The following ITFG1 variants were observed in gnomAD, a reference collection of about 807,000 sequenced individuals.
The protein encoded by ITFG1 is integrin alpha FG-GAP repeat containing 1.
A neutral mutation model predicts 81.8 loss-of-function variants in ITFG1; 34 were observed. The ratio of observed to expected loss-of-function variants is 0.42; its 90% CI spans 0.32 to 0.55. The LOEUF (loss-of-function observed/expected upper bound fraction) is 0.55. ITFG1 is among the 20% of genes least tolerant of loss of function. The pLI, the probability that ITFG1 is intolerant of heterozygous loss-of-function variation, is 0.17. For synonymous variants in ITFG1, 285 were observed against 270.6 expected (o/e 1.05, Z -0.52); for missense variants, 672 against 755.4 (o/e 0.89, Z 1.29).
At chr16:47,443,897 T>C (rs377300890) in intron 5 of ITFG1, among the ~76,000 whole-genome samples, 2 of 151,834 alleles carry the variant, frequency 1.3e-5, no homozygotes, top group African/African-American at 4.8e-5. Context: ...TAAAGTATAA[T>C]AATAATAAAA....
Position 47,181,551 on chromosome 16 carries a change from T to TG in ITFG1, c.1454-18888dup, listed in dbSNP as rs369861987. Among the ~76,000 whole-genome samples, 610 of 90,488 alleles carry TG rather than the reference T, an allele frequency of 6.7e-3. 14 individuals are homozygous for TG. Among genetic ancestry groups the TG allele is most frequent in the East Asian group, 0.039 (107 of 2,776 alleles). The allele number at this position is 90,488 out of a possible 152,430, so 59.4% of individuals were successfully genotyped here. On this transcript the variant is annotated intron_variant, in intron 14 of 17. Transcript: ENST00000320640. ...CCAGCCTCCCCGTCTGGCAGGGAGG[T>TG]GGGGGGGGGTCAGCCCCCCCGCCCG...
At chr16:47,318,111 G>T (rs1213850823) in intron 8 of ITFG1, among the ~76,000 whole-genome samples, 1 of 150,880 alleles carries the variant, frequency 6.6e-6, no homozygotes, top group Non-Finnish European at 1.5e-5. Context: ...GCAATCTTAA[G>T]AAACCAAAAA....
intron 6 of ITFG1, among the ~76,000 whole-genome samples, chr16:47,411,514 C>T (rs894759189): frequency 3.3e-5 from 5 of 152,142 alleles, no homozygotes; most frequent in South Asian, 2.1e-4. Flanking sequence ...AGGGAAATAA[C>T]GCCCTGCCCA....
chr16:47,173,313 A>C (rs1423763285), intron 14 of ITFG1, among the ~76,000 whole-genome samples: 1 of 152,086 alleles, frequency 6.6e-6, no homozygotes, highest in Non-Finnish European at 1.5e-5. Context: ...GTCTTCCCCC[A>C]CTAGAATGCA....
chr16:47,156,755 A>G (rs1354519358), intron 17 of ITFG1, among the ~76,000 whole-genome samples: 4 of 152,206 alleles, frequency 2.6e-5, no homozygotes, highest in South Asian at 2.1e-4. Context: ...AACATGATCA[A>G]TCATGAGAAG....
chr16:47,173,879 A>G (rs1313914772), intron 14 of ITFG1, among the ~76,000 whole-genome samples: 1 of 152,150 alleles, frequency 6.6e-6, no homozygotes, highest in East Asian at 1.9e-4. Flanking sequence ...CACCTCTACT[A>G]AAAATACAAA....
At chr16:47,457,064 C>A (rs1319120810) in intron 2 of ITFG1, among the ~76,000 whole-genome samples, 1 of 152,148 alleles carries the variant, frequency 6.6e-6, no homozygotes, top group Non-Finnish European at 1.5e-5. Flanking sequence ...TGTCCCAGCA[C>A]TTTGGGAGGC....
chr16:47,377,144 T>C (rs1429780671), intron 6 of ITFG1, among the ~76,000 whole-genome samples: 1 of 152,084 alleles, frequency 6.6e-6, no homozygotes, highest in East Asian at 1.9e-4. Flanking sequence ...ATCTAATAAT[T>C]GTAATAATAA....
intron 6 of ITFG1, among the ~76,000 whole-genome samples, chr16:47,384,381 G>A (rs184740660): frequency 2.0e-5 from 3 of 152,136 alleles, no homozygotes; most frequent in East Asian, 1.9e-4. Flanking sequence ...AGGCACTTAC[G>A]CTCCATCTAG....
chr16:47,180,384 C>G (rs1443105039), intron 14 of ITFG1, among the ~76,000 whole-genome samples: 1 of 151,968 alleles, frequency 6.6e-6, no homozygotes, highest in Non-Finnish European at 1.5e-5. Flanking sequence ...TCCCCCTCTC[C>G]CCACGGTCTC....
intron 8 of ITFG1, among the ~76,000 whole-genome samples, chr16:47,335,888 A>G (rs908175338): frequency 5.9e-5 from 9 of 152,166 alleles, no homozygotes; most frequent in African/African-American, 2.2e-4. Flanking sequence ...GAAACCATGT[A>G]TCTACACACA....
intron 10 of ITFG1, among the ~76,000 whole-genome samples, chr16:47,284,330 A>G (rs1306276714): frequency 6.6e-6 from 1 of 152,234 alleles, no homozygotes; most frequent in Non-Finnish European, 1.5e-5. Flanking sequence ...GGAAAAAAAG[A>G]GCACCAATAA....
intron 8 of ITFG1, among the ~76,000 whole-genome samples, chr16:47,364,326 T>C (rs77454135): frequency 0.049 from 7,437 of 152,294 alleles, 284 homozygotes; most frequent in Non-Finnish European, 0.075. Flanking sequence ...CAAACGTTTA[T>C]GTTTAGCAAA....
intron 14 of ITFG1, among the ~76,000 whole-genome samples, chr16:47,163,969 A>C (rs1964851606): frequency 6.6e-6 from 1 of 151,156 alleles, no homozygotes; most frequent in Non-Finnish European, 1.5e-5. Context: ...ACACACACAC[A>C]CCAATTAAGT....
chr16:47,311,409 C>T lies in ITFG1; in HGVS notation c.901G>A (p.Val301Ile), dbSNP rs1412732212. The T allele has an allele frequency of 6.2e-7, 1 of 1,605,162 alleles. No homozygotes were observed. The highest frequency in any genetic ancestry group is 2.2e-5 in the East Asian group (1 of 44,648). ...TTGCTGAAATCTTGTAGGACTGGAA[C>T]CCACTATGGATTAAGAGAAAAAGAT... ...YLVRSGMKQW[V>I]PVLQDFSNKG... is the part of the protein sequence containing the mutation. Residue 301 changes from valine to isoleucine, a missense_variant, in exon 10 of 18, where the codon GTT (valine) becomes ATT (isoleucine). This residue lies in a region of ITFG1 where 560 missense variants were observed against 625.7 expected (regional missense o/e 0.90). Transcript: ENST00000320640.
intron 8 of ITFG1, among the ~76,000 whole-genome samples, chr16:47,318,018 G>A (rs766510349): frequency 9.9e-5 from 15 of 151,854 alleles, no homozygotes; most frequent in Non-Finnish European, 1.0e-4. Context: ...AGATTTTAAC[G>A]TAATGGAAAG....
chr16:47,228,322 T>A (rs1294236499), intron 13 of ITFG1, among the ~76,000 whole-genome samples: 1 of 152,090 alleles, frequency 6.6e-6, no homozygotes, highest in Non-Finnish European at 1.5e-5. Flanking sequence ...CCAAGTAAGA[T>A]CATTCACTTC....
At chr16:47,378,543 T>C (rs1968356291) in intron 6 of ITFG1, among the ~76,000 whole-genome samples, 1 of 152,220 alleles carries the variant, frequency 6.6e-6, no homozygotes, top group Non-Finnish European at 1.5e-5. Context: ...TCTTCTTTCA[T>C]GCATATTTAA....
intron 6 of ITFG1, among the ~76,000 whole-genome samples, chr16:47,419,888 C>A (rs2151606108): frequency 6.6e-6 from 1 of 151,998 alleles, no homozygotes; most frequent in South Asian, 2.1e-4. Flanking sequence ...TAAGTGTGAG[C>A]CACGACGCCC....
Sources: gnomAD v4.1 joint callset for allele counts (sites outside exome capture counted in the v4.1 genomes callset) on GRCh38, gnomAD v4.1.1 for gene constraint, gnomAD v4.1.1 regional missense constraint, MANE v1.5 for transcripts, NCBI Gene and HGNC (gene_info 2026-07-23, HGNC 2026-07-21) for gene names.